Variants in ANKDD1B observed in about 807,000 individuals in gnomAD.
The protein encoded by ANKDD1B is ankyrin repeat and death domain containing 1B.
In ANKDD1B, 57 loss-of-function variants were observed where a neutral mutation model predicts 59.7. That is an observed-to-expected ratio of 0.95 (90% CI 0.77 to 1.19). ANKDD1B has a LOEUF of 1.19. Ranked by LOEUF, ANKDD1B falls within the 50% of genes most tolerant of loss-of-function variation. The pLI is 0.00. For synonymous variants in ANKDD1B, 216 were observed against 239.5 expected (o/e 0.90, Z 0.91); for missense variants, 602 against 641.9 (o/e 0.94, Z 0.67).
chr5:75,634,825 G>C, intron 5 of ANKDD1B, 73 bp from the exon 6 acceptor site: 1 of 961,648 alleles, frequency 1.0e-6, no homozygotes, highest in South Asian at 1.4e-5. Flanking sequence ...TTGAAATGTC[G>C]CTAGCTTTGT....
At chr5:75,613,356 CT>C (rs1452056681) in intron 1 of ANKDD1B, among the ~76,000 whole-genome samples, 2 of 152,128 alleles carry the variant, frequency 1.3e-5, no homozygotes, top group East Asian at 1.9e-4. Context: ...ATTAAGTGAT[CT>C]AGAGGAAAGA....
At chr5:75,617,636 G>A (rs1172522059) in intron 2 of ANKDD1B, among the ~76,000 whole-genome samples, 3 of 152,164 alleles carry the variant, frequency 2.0e-5, no homozygotes, top group Non-Finnish European at 4.4e-5. Context: ...AATGGTATAC[G>A]AAGCATAAGC....
intron 7 of ANKDD1B, among the ~76,000 whole-genome samples, chr5:75,636,975 G>A (rs1020229421): frequency 3.3e-5 from 5 of 152,016 alleles, no homozygotes; most frequent in East Asian, 1.9e-4. Flanking sequence ...AGCCGGGTGC[G>A]CTGGCTCACA....
At chr5:75,668,179 C>T (rs1188796962) in intron 12 of ANKDD1B, among the ~76,000 whole-genome samples, 2 of 151,990 alleles carry the variant, frequency 1.3e-5, no homozygotes, top group Non-Finnish European at 1.5e-5. Flanking sequence ...TAAAGTGTTT[C>T]GATGGAACCT....
intron 9 of ANKDD1B, among the ~76,000 whole-genome samples, chr5:75,656,909 G>A (rs914462382): frequency 5.9e-5 from 9 of 152,200 alleles, no homozygotes; most frequent in African/African-American, 1.7e-4. Context: ...AAACCAGAGC[G>A]TTGACTCAGA....
intron 1 of ANKDD1B, 141 bp downstream of exon 1, chr5:75,611,968 C>A: frequency 1.6e-6 from 1 of 625,686 alleles, no homozygotes; most frequent in Non-Finnish European, 2.3e-6. Context: ...GACCCCGAGT[C>A]CCAGCCTGCA....
At chr5:75,621,146 G>T (rs1309535048) in intron 3 of ANKDD1B, among the ~76,000 whole-genome samples, 1 of 152,216 alleles carries the variant, frequency 6.6e-6, no homozygotes, top group East Asian at 1.9e-4. Context: ...TTGTAGCTTT[G>T]GGAGTGGGGC....
chr5:75,663,357 C>G, intron 10 of ANKDD1B, 37 bp from the exon 11 acceptor site: 1 of 1,435,554 alleles, frequency 7.0e-7, no homozygotes, highest in Non-Finnish European at 9.5e-7. Context: ...AATCACTAGG[C>G]CATATCACCT....
Position 75,669,329 on chromosome 5 carries a change from C to T in ANKDD1B, c.1471C>T (p.Pro491Ser). Residue 491 changes from proline to serine, a missense_variant, in exon 13 of 14, where the codon CCG (proline) becomes TCG (serine). By Grantham distance (74) the Pro-to-Ser change is moderately conservative. This residue lies in a region of ANKDD1B where 280 missense variants were observed against 319.8 expected (regional missense o/e 0.88). Transcript: ENST00000601380. ...LHGTLMTQGD[P>S]AKQLYEELVH... ...CGGGACCCTGATGACTCAGGGTGAC[C>T]CGGCCAAGCAACTGTATGAAGAGCT... 2 of 1,232,050 alleles carry T rather than the reference C, an allele frequency of 1.6e-6. No individual in the cohort carries two copies. Among genetic ancestry groups the T allele is most frequent in the Non-Finnish European group, 2.0e-6 (2 of 987,918 alleles). The allele number at this position is 1,232,050 out of a possible 1,614,324, so 76.3% of individuals were successfully genotyped here.
At chr5:75,631,216 C>A (rs1016983370) in intron 5 of ANKDD1B, among the ~76,000 whole-genome samples, 6 of 152,154 alleles carry the variant, frequency 3.9e-5, no homozygotes, top group African/African-American at 1.2e-4. Flanking sequence ...GGGCACAAGA[C>A]CTTCATGTAT....
At chr5:75,617,064 T>TCTC (rs903170796) in intron 2 of ANKDD1B, among the ~76,000 whole-genome samples, 157 bp downstream of exon 2, 15 of 152,118 alleles carry the variant, frequency 9.9e-5, no homozygotes, top group Admixed American at 7.9e-4. Context: ...AGCTAAAAGG[T>TCTC]GGAGTCAAAC....
chr5:75,635,948 AG>A, intron 7 of ANKDD1B, 66 bp downstream of exon 7: 1 of 1,016,930 alleles, frequency 9.8e-7, no homozygotes, highest in Non-Finnish European at 1.4e-6. Flanking sequence ...ATGGCTTTCA[AG>A]AAAAGAGTGG....
At chr5:75,621,093 G>C (rs2112958588) in intron 3 of ANKDD1B, among the ~76,000 whole-genome samples, 1 of 152,336 alleles carries the variant, frequency 6.6e-6, no homozygotes, top group East Asian at 1.9e-4. Context: ...TCAGAGTTTA[G>C]GGTGCTTGCC....
chr5:75,626,645 A>G (rs1774002843), intron 5 of ANKDD1B, among the ~76,000 whole-genome samples: 1 of 152,202 alleles, frequency 6.6e-6, no homozygotes, highest in African/African-American at 2.4e-5. Flanking sequence ...TCACAACTAA[A>G]AAGTGAGAGC....
intron 3 of ANKDD1B, among the ~76,000 whole-genome samples, chr5:75,623,159 ACCT>A (rs1773901627): frequency 6.6e-6 from 1 of 151,964 alleles, no homozygotes; most frequent in African/African-American, 2.4e-5. Flanking sequence ...GCTTGCCGCA[ACCT>A]CCTCTTCCCA....
chr5:75,617,165 G>C (rs1196501396), intron 2 of ANKDD1B, among the ~76,000 whole-genome samples: 1 of 152,144 alleles, frequency 6.6e-6, no homozygotes, highest in Admixed American at 6.5e-5. Context: ...CTGTGGGTGG[G>C]CAGTAAAGCC....
intron 1 of ANKDD1B, among the ~76,000 whole-genome samples, chr5:75,612,252 T>C (rs942217774): frequency 7.3e-5 from 11 of 151,612 alleles, no homozygotes; most frequent in Non-Finnish European, 1.6e-4. Context: ...TTGGGAATAA[T>C]GTGTAGCATA....
intron 7 of ANKDD1B, among the ~76,000 whole-genome samples, chr5:75,651,810 A>G (rs971899829): frequency 6.6e-6 from 1 of 152,236 alleles, no homozygotes; most frequent in African/African-American, 2.4e-5. Flanking sequence ...TGGGTGACTT[A>G]ACAAACATTT....
At chr5:75,617,015 T>C (rs895731294) in intron 2 of ANKDD1B, 108 bp downstream of exon 2, 80 of 562,884 alleles carry the variant, frequency 1.4e-4, no homozygotes, top group Admixed American at 2.5e-4. Context: ...CTGGCTGAGA[T>C]AAGGGAGAGC....
Sources: gnomAD v4.1 joint callset for allele counts (sites outside exome capture counted in the v4.1 genomes callset) on GRCh38, gnomAD v4.1.1 for gene constraint, gnomAD v4.1.1 regional missense constraint, MANE v1.5 for transcripts, NCBI Gene and HGNC (gene_info 2026-07-23, HGNC 2026-07-21) for gene names.